TMEM132B: variants seen among roughly 807,000 people sequenced by gnomAD.
TMEM132B encodes the protein transmembrane protein 132B.
Under a neutral mutation model 90.8 loss-of-function variants are expected in TMEM132B, and 18 were observed. That is an observed-to-expected ratio of 0.20 (90% CI 0.14 to 0.29). The LOEUF is 0.29. Among genes scored for constraint, TMEM132B ranks in the 10% least tolerant of loss-of-function variants. The pLI is 1.00. For missense variants in TMEM132B, 1,096 were observed against 1,326.8 expected (o/e 0.83, Z 2.70); for synonymous variants, 504 against 523.3 (o/e 0.96, Z 0.50).
chr12:125,414,138 T>C (rs1487860309), intron 2 of TMEM132B, among the ~76,000 whole-genome samples: 2 of 152,376 alleles, frequency 1.3e-5, no homozygotes, highest in Non-Finnish European at 2.9e-5. Context: ...CTTATATAAC[T>C]CTGGAGAAAT....
In TMEM132B at chr12:125,350,217, G is replaced by T. The variant is rs1238689422; in HGVS notation, c.833G>T (p.Trp278Leu). ...VVYPTQDDLK[W>L]SLVSLDENVV... ...TACCCAACCCAAGATGATCTGAAGT[G>T]GTCCCTGGTGAGCTTGGACGAGAAT... Residue 278 changes from tryptophan (W) to leucine (L), a missense_variant, in exon 2 of 9, where the codon TGG (tryptophan) becomes TTG (leucine). Coordinates refer to ENST00000682704, the MANE Select transcript of TMEM132B (RefSeq NM_001366854.1). 2 of 1,614,142 alleles carry T rather than the reference G, an allele frequency of 1.2e-6. No homozygotes were observed. Among genetic ancestry groups the T allele is most frequent in the Admixed American group, 1.7e-5 (1 of 60,028 alleles).
chr12:125,591,145 C>G (rs1023511292), intron 5 of TMEM132B, among the ~76,000 whole-genome samples: 1 of 152,040 alleles, frequency 6.6e-6, no homozygotes, highest in African/African-American at 2.4e-5. Context: ...TGATAGTGGA[C>G]TTTTTTTGAA....
intron 2 of TMEM132B, among the ~76,000 whole-genome samples, chr12:125,390,950 C>T (rs1157337320): frequency 5.3e-5 from 8 of 152,062 alleles, no homozygotes; most frequent in Admixed American, 2.6e-4. Context: ...GGTAACTAAC[C>T]TATTCCTCTT....
chr12:125,197,520 A>G (rs906516880), intron 1 of TMEM132B, among the ~76,000 whole-genome samples: 1 of 152,172 alleles, frequency 6.6e-6, no homozygotes, highest in Non-Finnish European at 1.5e-5. Context: ...CTTGTTTTTT[A>G]AATAAAGTTT....
rs538280127 is a variant in TMEM132B at position 125,272,399 on chromosome 12, G to A, written c.68-77053G>A. 1.6e-4 allele frequency among the ~76,000 whole-genome samples: 24 copies of A among 152,266 alleles called. 1 individual carries two copies. In the East Asian group the frequency reaches 2.5e-3, roughly 16 times the overall value. ...GAATAGGGCGTCCCTGTCCCCCAGC[G>A]GGTGGGAAATTCCCATTTAGGCAAA... On this transcript the variant is annotated intron_variant, in intron 1 of 8. Coordinates refer to ENST00000682704, the MANE Select transcript of TMEM132B (RefSeq NM_001366854.1).
At position 125,601,944 on chromosome 12, in the gene TMEM132B, C is replaced by G. The variant is rs189855309; in HGVS notation, c.1437+17950C>G. Among the ~76,000 whole-genome samples the G allele has an allele frequency of 1.2e-4, 18 of 152,284 alleles. No homozygotes were observed. The East Asian group carries it at 3.1e-3, about 26-fold the overall frequency. On this transcript the variant is annotated intron_variant, in intron 5 of 8. Coordinates refer to ENST00000682704, the MANE Select transcript of TMEM132B (RefSeq NM_001366854.1). The stretch of plus-strand genomic sequence containing the variant: ...GTCAAATCCCTGAATAGACCAATAA[C>G]AAGTTCTGAAATTGAGGCAGTAATT...
Position 125,376,489 on chromosome 12 carries a change from C to T in TMEM132B, c.959+26146C>T, listed in dbSNP as rs965300851. ...CTTAAGTGAGGCAGGAGACCAGCCC[C>T]GGTGGATGCTCATTTACACTCCTCC... On this transcript the variant is annotated intron_variant, in intron 2 of 8. Coordinates refer to ENST00000682704, the MANE Select transcript of TMEM132B (RefSeq NM_001366854.1). Among the ~76,000 whole-genome samples the T allele has an allele frequency of 9.2e-5, 14 of 152,200 alleles. No homozygotes were observed. The East Asian group carries it at 9.6e-4, about 10-fold the overall frequency.
intron 4 of TMEM132B, among the ~76,000 whole-genome samples, chr12:125,543,753 A>G (rs1353948525): frequency 1.3e-5 from 2 of 152,224 alleles, no homozygotes; most frequent in African/African-American, 2.4e-5. Context: ...TGTTTGTGGG[A>G]ATGTCAATTA....
In TMEM132B at chr12:125,658,073, CA is replaced by C. The variant is rs1372682091; in HGVS notation, c.*3364del. Reference sequence around the variant, plus strand: ...ACACCTAGCAAACCTCAGAATACTCCATGTGTCCCAAGAGAAGGAATAATTG... The same window carrying C: ...ACACCTAGCAAACCTCAGAATACTCCTGTGTCCCAAGAGAAGGAATAATTG... On this transcript the variant is annotated 3_prime_UTR_variant, in exon 9 of 9. Transcript: ENST00000682704. The C allele has an allele frequency of 6.6e-6, 1 of 152,222 alleles. No individual in the cohort carries two copies. Among genetic ancestry groups the C allele is most frequent in the Admixed American group, 6.5e-5 (1 of 15,284 alleles). 9.4% of individuals were successfully genotyped at this position (152,222 alleles called of 1,614,324 possible).
At chr12:125,456,439 A>T (rs1233447385) in intron 3 of TMEM132B, among the ~76,000 whole-genome samples, 1 of 152,220 alleles carries the variant, frequency 6.6e-6, no homozygotes, top group African/African-American at 2.4e-5. Context: ...GCCTCCTTGC[A>T]TGAAGGATTC....
At chr12:125,516,482 A>T (rs1208266473) in intron 3 of TMEM132B, among the ~76,000 whole-genome samples, 1 of 152,216 alleles carries the variant, frequency 6.6e-6, no homozygotes, top group African/African-American at 2.4e-5. Context: ...ACCTGTACAT[A>T]AAAGAAGCTC....
intron 4 of TMEM132B, among the ~76,000 whole-genome samples, chr12:125,583,023 A>G (rs1207237853): frequency 6.6e-6 from 1 of 152,232 alleles, no homozygotes; most frequent in Admixed American, 6.5e-5. Context: ...AAAGAGTTAT[A>G]ATCTAGGAAA....
chr12:125,350,358 C>G lies in TMEM132B; in HGVS notation c.959+15C>G. On this transcript the variant is annotated intron_variant, in intron 2 of 8. Coordinates refer to ENST00000682704, the MANE Select transcript of TMEM132B (RefSeq NM_001366854.1). ...TTCACTCTTAGGTAAGAGGCTTTGC[C>G]AGGTGGGATGGAACAGAAGCCAACT... is the stretch of plus-strand genomic sequence containing the variant. 1 of 1,598,536 alleles carries G rather than the reference C, an allele frequency of 6.3e-7. No individual in the cohort carries two copies. Among genetic ancestry groups the G allele is most frequent in the Non-Finnish European group, 8.5e-7 (1 of 1,173,196 alleles).
intron 5 of TMEM132B, among the ~76,000 whole-genome samples, chr12:125,600,334 G>C (rs1321691691): frequency 6.6e-6 from 1 of 152,162 alleles, no homozygotes; most frequent in Admixed American, 6.5e-5. Flanking sequence ...CCTCTGGCCA[G>C]TCCCTGCTTT....
chr12:125,514,927 G>A (rs890410282), intron 3 of TMEM132B, among the ~76,000 whole-genome samples: 1 of 152,118 alleles, frequency 6.6e-6, no homozygotes, highest in Admixed American at 6.5e-5. Context: ...CAGCCACACT[G>A]TGCACTAAAA....
chr12:125,410,577 GGAGTGGAGTGGAGT>G (rs1245096843), intron 2 of TMEM132B, among the ~76,000 whole-genome samples: 1 of 9,046 alleles, frequency 1.1e-4, no homozygotes, highest in Non-Finnish European at 2.2e-4. Flanking sequence ...GTGGAGGAGT[GGAGTGGAGTGGAGT>G]GAGTGGAGTG....
At chr12:125,561,396 A>T (rs1200352579) in intron 4 of TMEM132B, among the ~76,000 whole-genome samples, 1 of 152,192 alleles carries the variant, frequency 6.6e-6, no homozygotes, top group Non-Finnish European at 1.5e-5. Context: ...GGGGAGGGAT[A>T]GCATTAGGAT....
In TMEM132B at chr12:125,459,014, C is replaced by A. The variant is rs1881368555; in HGVS notation, c.1106+43337C>A. On this transcript the variant is annotated intron_variant, in intron 3 of 8. Coordinates refer to ENST00000682704, the MANE Select transcript of TMEM132B (RefSeq NM_001366854.1). The surrounding 1 kb of genome is among the most constrained non-coding windows in gnomAD (Gnocchi z 4.1). Reference sequence around the variant, plus strand: ...AGATTCCCTGTGGTCCCCCCATGTGCAATTAGCATCTTCGGGTGACATCAC... The same window carrying A: ...AGATTCCCTGTGGTCCCCCCATGTGAAATTAGCATCTTCGGGTGACATCAC... Among the ~76,000 whole-genome samples the A allele has an allele frequency of 6.6e-6, 1 of 152,194 alleles. No individual in the cohort carries two copies. Among genetic ancestry groups the A allele is most frequent in the South Asian group, 2.1e-4 (1 of 4,834 alleles).
At chr12:125,249,897 C>T (rs1251062374) in intron 1 of TMEM132B, among the ~76,000 whole-genome samples, 1 of 152,224 alleles carries the variant, frequency 6.6e-6, no homozygotes, top group Non-Finnish European at 1.5e-5. Flanking sequence ...CTCAGTGGGA[C>T]CTAGACATCA....
Sources: allele counts gnomAD v4.1 joint callset (sites outside exome capture counted in the v4.1 genomes callset), GRCh38; gene constraint gnomAD v4.1.1; non-coding constraint Gnocchi (gnomAD v3.1); transcripts MANE v1.5; gene names NCBI Gene and HGNC (gene_info 2026-07-23, HGNC 2026-07-21).